Variants in RNF13 observed in about 807,000 individuals in gnomAD.
RNF13 encodes the protein ring finger protein 13, also known as E3 ubiquitin-protein ligase RNF13.
A neutral mutation model predicts 37.7 loss-of-function variants in RNF13; 19 were observed. The ratio of observed to expected loss-of-function variants is 0.50; its 90% confidence interval spans 0.35 to 0.74. The LOEUF (loss-of-function observed/expected upper bound fraction) is 0.74, where lower values mean the gene tolerates loss of function less well. Among genes scored for constraint, RNF13 ranks in the 30% least tolerant of loss-of-function variants. The probability of loss-of-function intolerance (pLI) is 0.01; values close to 1 mark genes in which losing one functional copy is unlikely to be tolerated. For missense variants in RNF13, 375 were observed against 453.0 expected (o/e 0.83, Z 1.56); for synonymous variants, 144 against 157.8 (o/e 0.91, Z 0.65).
intron 3 of RNF13, among the ~76,000 whole-genome samples, chr3:149,868,808 A>G (rs903866071): frequency 6.6e-6 from 1 of 151,682 alleles, no homozygotes; most frequent in Non-Finnish European, 1.5e-5. Context: ...GAGTTTGATT[A>G]GTGTATGTCT....
At chr3:149,946,427 T>C (rs997043373) in intron 8 of RNF13, among the ~76,000 whole-genome samples, 73 of 152,344 alleles carry the variant, frequency 4.8e-4, no homozygotes, top group African/African-American at 1.8e-3. Flanking sequence ...TGAGGACTTC[T>C]CCAGTGAATC....
chr3:149,946,193 T>C (rs936284129), intron 8 of RNF13, among the ~76,000 whole-genome samples: 2 of 152,170 alleles, frequency 1.3e-5, no homozygotes, highest in African/African-American at 4.8e-5. Context: ...AATGGCTAAC[T>C]AGAATAACCA....
At chr3:149,860,278 T>TAC in intron 3 of RNF13, among the ~76,000 whole-genome samples, 1 of 116,594 alleles carries the variant, frequency 8.6e-6, no homozygotes, top group Non-Finnish European at 1.9e-5. Flanking sequence ...AAAATATATA[T>TAC]ATATATATAT....
At chr3:149,873,940 TAA>T (rs1484628319) in intron 4 of RNF13, among the ~76,000 whole-genome samples, 1 of 152,254 alleles carries the variant, frequency 6.6e-6, no homozygotes, top group Admixed American at 6.5e-5. Flanking sequence ...TGGTAATCAA[TAA>T]AGACTTATTA....
chr3:149,902,239 C>G (rs1715922166), intron 6 of RNF13, 77 bp downstream of exon 6: 1 of 676,560 alleles, frequency 1.5e-6, no homozygotes, highest in African/African-American at 1.9e-5. Flanking sequence ...ATATTGTAAT[C>G]AAGATTATGT....
chr3:149,916,187 T>TCCC (rs1717490549), intron 7 of RNF13, among the ~76,000 whole-genome samples: 1 of 152,152 alleles, frequency 6.6e-6, no homozygotes, highest in Admixed American at 6.5e-5. Context: ...CATAGTTATA[T>TCCC]AGACATTCAG....
intron 1 of RNF13, among the ~76,000 whole-genome samples, chr3:149,824,083 A>T (rs1278909863): frequency 6.6e-6 from 1 of 152,250 alleles, no homozygotes; most frequent in African/African-American, 2.4e-5. Context: ...GCTAGCTTGA[A>T]TAAGCCTCCA....
chr3:149,951,011 A>G (rs1006466353), intron 8 of RNF13, among the ~76,000 whole-genome samples: 2 of 152,200 alleles, frequency 1.3e-5, no homozygotes, highest in Non-Finnish European at 2.9e-5. Context: ...TCTTGGGGAA[A>G]GGCCTTGTTC....
chr3:149,954,012 GA>G (rs1721610572), intron 8 of RNF13, among the ~76,000 whole-genome samples: 1 of 152,146 alleles, frequency 6.6e-6, no homozygotes, highest in Non-Finnish European at 1.5e-5. Flanking sequence ...CCAAAATCGT[GA>G]AGCAGTTGGA....
At chr3:149,819,691 A>G (rs1324939789) in intron 1 of RNF13, among the ~76,000 whole-genome samples, 2 of 152,224 alleles carry the variant, frequency 1.3e-5, no homozygotes, top group Admixed American at 6.5e-5. Context: ...ACTAAGCTAA[A>G]TATACAGAGA....
In RNF13 at chr3:149,902,136, G is replaced by T; in HGVS notation, c.474G>T (p.Leu158=). The T allele has an allele frequency of 6.6e-7, 1 of 1,525,580 alleles. No homozygotes were observed. Among genetic ancestry groups the T allele is most frequent in the Non-Finnish European group, 8.8e-7 (1 of 1,132,314 alleles). The allele number at this position is 1,525,580 out of a possible 1,614,324, so 94.5% of individuals were successfully genotyped here. ...VFIGESSANS[L]KDEFTYEKGG... The stretch of plus-strand genomic sequence containing the variant: ...TTGGTGAATCATCAGCTAATTCTCT[G>T]AAAGATGAATTCACATATGAAAAAG... Residue 158 remains leucine, a synonymous_variant, in exon 6 of 10, where the codon CTG becomes CTT. Coordinates refer to ENST00000392894, the MANE Select transcript of RNF13 (RefSeq NM_183381.3).
intron 8 of RNF13, among the ~76,000 whole-genome samples, chr3:149,950,320 GTTTT>G (rs1427005530): frequency 6.6e-6 from 1 of 152,074 alleles, no homozygotes; most frequent in Non-Finnish European, 1.5e-5. Flanking sequence ...TTCAAGCTGT[GTTTT>G]TGCCTTTTAG....
chr3:149,865,570 A>G (rs550826895), intron 3 of RNF13, among the ~76,000 whole-genome samples: 9 of 152,104 alleles, frequency 5.9e-5, no homozygotes, highest in East Asian at 1.9e-4. Context: ...GCCTCAAGCA[A>G]TCCTCCTACT....
rs117333211 is a variant in RNF13, at chr3:149,932,866, T to G, written c.700+11639T>G. 1.4e-3 allele frequency among the ~76,000 whole-genome samples: 211 copies of G among 152,362 alleles called. 4 individuals carry two copies. In the East Asian group the frequency reaches 0.037, roughly 27 times the overall value. Reference sequence around the variant, plus strand: ...CACTAGACTGCCCTGGTAGGGAGTCTGTGTTGGGGATCCAACCTTACATTT... The same window carrying G: ...CACTAGACTGCCCTGGTAGGGAGTCGGTGTTGGGGATCCAACCTTACATTT... On this transcript the variant is annotated intron_variant, in intron 8 of 9. Transcript: ENST00000392894.
chr3:149,850,756 TG>T (rs1334420603), intron 2 of RNF13, among the ~76,000 whole-genome samples: 1 of 152,210 alleles, frequency 6.6e-6, no homozygotes, highest in Non-Finnish European at 1.5e-5. Context: ...CATCTTTGGC[TG>T]GGATGAATTA....
chr3:149,872,440 A>G (rs1308857495), intron 4 of RNF13, among the ~76,000 whole-genome samples: 1 of 152,202 alleles, frequency 6.6e-6, no homozygotes, highest in African/African-American at 2.4e-5. Context: ...TCCAGTATCA[A>G]TCTCAAACCT....
intron 3 of RNF13, among the ~76,000 whole-genome samples, chr3:149,862,738 G>A (rs1522240): frequency 0.034 from 5,204 of 151,896 alleles, 239 homozygotes; most frequent in East Asian, 0.23. Flanking sequence ...ATGTCTCCTT[G>A]TATATATTAT....
At chr3:149,912,383 A>G (rs1717083765) in intron 7 of RNF13, among the ~76,000 whole-genome samples, 1 of 152,142 alleles carries the variant, frequency 6.6e-6, no homozygotes, top group Non-Finnish European at 1.5e-5. Flanking sequence ...GCAAAAATGC[A>G]TGGCATTTGT....
intron 8 of RNF13, among the ~76,000 whole-genome samples, chr3:149,950,641 ATT>A (rs879487896): frequency 7.0e-6 from 1 of 143,832 alleles, no homozygotes. Context: ...TGCCCAGCTA[ATT>A]TTTTTTTTTT....
Sources: allele counts gnomAD v4.1 joint callset (sites outside exome capture counted in the v4.1 genomes callset), GRCh38; gene constraint gnomAD v4.1.1; transcripts MANE v1.5; gene names NCBI Gene and HGNC (gene_info 2026-07-23, HGNC 2026-07-21).